Variants in SMIM14 observed in about 807,000 individuals in gnomAD.
SMIM14 encodes small integral membrane protein 14, also known as chromosome 4 open reading frame 34.
Under a neutral mutation model 12.6 loss-of-function variants are expected in SMIM14, and 5 were observed. The observed-to-expected ratio is 0.40, with a 90% CI of 0.21 to 0.83. The LOEUF is 0.83. SMIM14 is among the 40% of genes least tolerant of loss of function. The pLI is 0.37. For missense variants in SMIM14, 86 were observed against 119.1 expected (o/e 0.72, Z 1.29); for synonymous variants, 30 against 40.1 (o/e 0.75, Z 0.95).
chr4:39,585,455 C>A (rs4388096), intron 2 of SMIM14, among the ~76,000 whole-genome samples: 5 of 150,876 alleles, frequency 3.3e-5, no homozygotes, highest in Admixed American at 6.6e-5. Context: ...CGCCACCATG[C>A]CCAGCTAATT....
intron 2 of SMIM14, among the ~76,000 whole-genome samples, chr4:39,590,222 T>G (rs1345249585): frequency 2.0e-5 from 3 of 151,930 alleles, no homozygotes; most frequent in Non-Finnish European, 4.4e-5. Flanking sequence ...GAGACCAGCC[T>G]GACCAACATG....
chr4:39,610,733 C>CTTA (rs1268801326), intron 1 of SMIM14, among the ~76,000 whole-genome samples: 5 of 151,352 alleles, frequency 3.3e-5, no homozygotes, highest in South Asian at 2.1e-4. Context: ...ATACAACAGA[C>CTTA]TTAATATGTG....
intron 2 of SMIM14, among the ~76,000 whole-genome samples, chr4:39,578,250 C>T (rs1182172286): frequency 1.3e-5 from 2 of 152,154 alleles, no homozygotes; most frequent in Non-Finnish European, 2.9e-5. Context: ...CAGGCTCAAG[C>T]AATCCTCCCG....
intron 3 of SMIM14, among the ~76,000 whole-genome samples, chr4:39,565,854 C>T (rs888781034): frequency 3.3e-5 from 5 of 151,898 alleles, no homozygotes; most frequent in African/African-American, 1.2e-4. Context: ...GCGCTCTTCT[C>T]ATGATAGTAA....
intron 2 of SMIM14, among the ~76,000 whole-genome samples, chr4:39,578,992 C>CAAAAAAAA (rs201636070): frequency 1.4e-5 from 1 of 71,870 alleles, no homozygotes; most frequent in Non-Finnish European, 2.9e-5. Context: ...GTGAGACTGT[C>CAAAAAAAA]AAAAAAAAAA....
At chr4:39,600,411 CG>C (rs1414849177) in intron 2 of SMIM14, among the ~76,000 whole-genome samples, 2 of 151,278 alleles carry the variant, frequency 1.3e-5, no homozygotes, top group African/African-American at 4.9e-5. Flanking sequence ...GGAAAAGGGC[CG>C]GGTGTGGTGG....
chr4:39,594,615 CA>C (rs1258210940), intron 2 of SMIM14: 2 of 148,372 alleles, frequency 1.3e-5, no homozygotes, highest in African/African-American at 5.0e-5. Flanking sequence ...AGTGAACAGG[CA>C]ACCTACAAAA....
intron 2 of SMIM14, among the ~76,000 whole-genome samples, chr4:39,583,630 C>T (rs1713628546): frequency 6.6e-6 from 1 of 152,004 alleles, no homozygotes; most frequent in African/African-American, 2.4e-5. Flanking sequence ...AAGCAGTGAA[C>T]AAAATGGACA....
rs1712133088 is a variant in SMIM14, at chr4:39,558,697, G to A, written c.125-2127C>T. Among the ~76,000 whole-genome samples, 1 of 152,142 alleles carries A rather than the reference G, an allele frequency of 6.6e-6. No homozygotes were observed. The highest frequency in any genetic ancestry group is 6.6e-5 in the Admixed American group (1 of 15,246). The stretch of plus-strand genomic sequence containing the variant: ...AAAATTACTCAATCAGTTACAAGGA[G>A]GAGAGCAGTTTCTTTTTTTTGTTTG... On this transcript the variant is annotated intron_variant, in intron 3 of 4. Coordinates refer to ENST00000295958, the MANE Select transcript of SMIM14 (RefSeq NM_174921.3). This position sits in a 1 kb window ranked among gnomAD's most constrained non-coding sequence, Gnocchi z 4.3.
intron 2 of SMIM14, chr4:39,593,049 T>G (rs1714184711): frequency 6.6e-6 from 1 of 151,640 alleles, no homozygotes; most frequent in South Asian, 2.1e-4. Context: ...CCTAACTCAT[T>G]TTATGAGGCC....
At chr4:39,633,820 T>A (rs2109260203) in intron 1 of SMIM14, among the ~76,000 whole-genome samples, 1 of 152,348 alleles carries the variant, frequency 6.6e-6, no homozygotes, top group South Asian at 2.1e-4. Flanking sequence ...GTGTGGGGAA[T>A]GAGCAGGTAA....
At chr4:39,591,353 T>G (rs1253497979) in intron 2 of SMIM14, among the ~76,000 whole-genome samples, 3 of 151,914 alleles carry the variant, frequency 2.0e-5, no homozygotes, top group Admixed American at 2.0e-4. Context: ...TGAACATTCC[T>G]GAGACAAGCA....
chr4:39,557,177 A>G (rs2109984627), intron 3 of SMIM14, among the ~76,000 whole-genome samples: 1 of 151,976 alleles, frequency 6.6e-6, no homozygotes, highest in Admixed American at 6.6e-5. Flanking sequence ...ATGCCCAGCT[A>G]ATTTTTGTAT....
chr4:39,573,494 T>A (rs1044671220), intron 2 of SMIM14, among the ~76,000 whole-genome samples: 7 of 152,156 alleles, frequency 4.6e-5, no homozygotes, highest in Non-Finnish European at 7.3e-5. Flanking sequence ...CTTTTTTTCC[T>A]ACCCAAAATA....
At chr4:39,609,892 T>C (rs930943626) in intron 1 of SMIM14, among the ~76,000 whole-genome samples, 1 of 152,224 alleles carries the variant, frequency 6.6e-6, no homozygotes, top group Non-Finnish European at 1.5e-5. Flanking sequence ...AATGACAGCA[T>C]ATTGAATCAC....
intron 3 of SMIM14, among the ~76,000 whole-genome samples, chr4:39,563,326 T>C (rs1712410320): frequency 6.6e-6 from 1 of 152,124 alleles, no homozygotes; most frequent in South Asian, 2.1e-4. Flanking sequence ...CCTCCCAAAG[T>C]GATGGGATTA....
chr4:39,630,335 G>A (rs1031750811), intron 1 of SMIM14, among the ~76,000 whole-genome samples: 3 of 152,144 alleles, frequency 2.0e-5, no homozygotes, highest in Non-Finnish European at 2.9e-5. Flanking sequence ...GAGCCCAGGA[G>A]TTCAAGGCTA....
intron 2 of SMIM14, among the ~76,000 whole-genome samples, chr4:39,585,527 C>T (rs1713743518): frequency 6.6e-6 from 1 of 151,960 alleles, no homozygotes; most frequent in Admixed American, 6.6e-5. Context: ...GAACTCCCGA[C>T]CTCAGGTGAT....
chr4:39,624,513 A>G (rs1363990952), intron 1 of SMIM14, among the ~76,000 whole-genome samples: 5 of 152,214 alleles, frequency 3.3e-5, no homozygotes, highest in African/African-American at 1.2e-4. Flanking sequence ...CAGAAATTAG[A>G]TAACTATCAA....
Sources: allele counts gnomAD v4.1 joint callset (sites outside exome capture counted in the v4.1 genomes callset), GRCh38; gene constraint gnomAD v4.1.1; non-coding constraint Gnocchi (gnomAD v3.1); transcripts MANE v1.5; gene names NCBI Gene and HGNC (gene_info 2026-07-23, HGNC 2026-07-21).